The following PSTPIP2 variants were observed in gnomAD, a reference collection of about 807,000 sequenced individuals.
PSTPIP2 encodes proline-serine-threonine phosphatase-interacting protein 2.
Under a neutral mutation model 63.3 loss-of-function variants are expected in PSTPIP2, and 33 were observed. That is an observed-to-expected ratio of 0.52 (90% CI 0.40 to 0.70). PSTPIP2 has a LOEUF of 0.70. Among genes scored for constraint, PSTPIP2 ranks in the 30% least tolerant of loss-of-function variants. PSTPIP2 has a pLI of 0.00. For synonymous variants in PSTPIP2, 125 were observed against 132.7 expected, an observed-to-expected ratio of 0.94 and a Z score of 0.40; for missense variants, 312 against 400.7, an observed-to-expected ratio of 0.78 and a Z score of 1.89.
chr18:46,011,344 A>G, intron 4 of PSTPIP2, 57 bp from the exon 5 acceptor site: 1 of 1,311,218 alleles, frequency 7.6e-7, no homozygotes. Context: ...ATTAAAATAT[A>G]TAAAATCATA....
intron 1 of PSTPIP2, among the ~76,000 whole-genome samples, chr18:46,048,172 T>A (rs987576744): frequency 6.6e-6 from 1 of 152,184 alleles, no homozygotes; most frequent in Non-Finnish European, 1.5e-5. Flanking sequence ...GGATAGGAGA[T>A]GTCAATGACA....
In PSTPIP2 at chr18:45,985,348, T is replaced by C; in HGVS notation, c.*111A>G. 4.9e-6 allele frequency: 7 copies of C among 1,427,062 alleles called. No homozygotes were observed. The allele number at this position is 1,427,062 out of a possible 1,614,324, so 88.4% of individuals were successfully genotyped here. A position where few individuals can be genotyped will look rare whatever the true frequency, so the allele number is the denominator to read the frequency against. On this transcript the variant is annotated 3_prime_UTR_variant, in exon 15 of 15. Transcript: ENST00000409746. ...ATCTCTAAAAAATTATAGCAAGGGT[T>C]CACTTCAAAGTCTTCATTGCTGACA...
chr18:46,051,264 A>G (rs1022726323), intron 1 of PSTPIP2, among the ~76,000 whole-genome samples: 1 of 152,078 alleles, frequency 6.6e-6, no homozygotes, highest in Non-Finnish European at 1.5e-5. Context: ...TCACTTGAGG[A>G]CAGGAGTTCA....
intron 1 of PSTPIP2, among the ~76,000 whole-genome samples, chr18:46,071,834 C>G (rs1292093216): frequency 6.6e-6 from 1 of 152,272 alleles, no homozygotes; most frequent in Non-Finnish European, 1.5e-5. Context: ...GGTGTCTCGG[C>G]TCTCTGCGTC....
chr18:46,026,338 T>G (rs775258250), intron 2 of PSTPIP2, among the ~76,000 whole-genome samples: 5 of 152,214 alleles, frequency 3.3e-5, no homozygotes, highest in Non-Finnish European at 7.3e-5. Context: ...TTGTGCATCA[T>G]TTTATACGCT....
intron 14 of PSTPIP2, 145 bp downstream of exon 14, chr18:45,988,557 G>T (rs779919658): frequency 2.0e-5 from 13 of 663,894 alleles, no homozygotes; most frequent in Non-Finnish European, 3.2e-5. Context: ...GAGGTGTCCT[G>T]AAGGGACAGC....
Position 46,040,198 on chromosome 18 carries a change from G to C in PSTPIP2, c.34-151C>G, listed in dbSNP as rs1315971404. The C allele has an allele frequency of 3.1e-5, 16 of 523,376 alleles. No homozygotes were observed. The Admixed American group carries it at 6.0e-4, about 20-fold the overall frequency. 32.4% of individuals were successfully genotyped at this position (523,376 alleles called of 1,614,324 possible). A position where few individuals can be genotyped will look rare whatever the true frequency, so the allele number is the denominator to read the frequency against. The stretch of plus-strand genomic sequence containing the variant: ...AGGGACCCACTTAGGAGCCTGTCAG[G>C]CTTCTCCACCCCCACCCTGGAGATG... On this transcript the variant is annotated intron_variant, in intron 1 of 14. Transcript: ENST00000409746.
chr18:46,069,686 T>C (rs769957444), intron 1 of PSTPIP2, among the ~76,000 whole-genome samples: 26 of 152,258 alleles, frequency 1.7e-4, no homozygotes, highest in Non-Finnish European at 3.2e-4. Flanking sequence ...AAGTGTGTAT[T>C]GACTCATACT....
chr18:46,010,824 C>T, intron 5 of PSTPIP2: 1 of 197,952 alleles, frequency 5.1e-6, no homozygotes, highest in Non-Finnish European at 1.1e-5. Flanking sequence ...TCCCCTATTG[C>T]CTTGTCCAGG....
intron 1 of PSTPIP2, among the ~76,000 whole-genome samples, chr18:46,062,491 A>AAAAAGG (rs1909026927): frequency 6.6e-6 from 1 of 151,578 alleles, no homozygotes; most frequent in Non-Finnish European, 1.5e-5. Context: ...AAAGAAAAAG[A>AAAAAGG]AAAAGAAAAA....
intron 13 of PSTPIP2, 51 bp downstream of exon 13, chr18:45,990,666 GTGATC>G (rs1327283719): frequency 1.4e-6 from 2 of 1,471,974 alleles, no homozygotes; most frequent in African/African-American, 2.8e-5. Context: ...CTGACCTCAA[GTGATC>G]TGCCTGCCTT....
chr18:46,041,536 G>A (rs1038278328), intron 1 of PSTPIP2, among the ~76,000 whole-genome samples: 1 of 152,106 alleles, frequency 6.6e-6, no homozygotes, highest in African/African-American at 2.4e-5. Flanking sequence ...CACCATGCCT[G>A]GCCAAATTTT....
At chr18:45,989,724 T>C (rs28699981) in intron 13 of PSTPIP2, 124 of 152,340 alleles carry the variant, frequency 8.1e-4, no homozygotes, top group African/African-American at 2.9e-3. Context: ...GAGAGCTTGT[T>C]TGGAGTAGCT....
intron 6 of PSTPIP2, among the ~76,000 whole-genome samples, chr18:46,004,162 A>G (rs1015502623): frequency 1.3e-5 from 2 of 152,244 alleles, no homozygotes; most frequent in African/African-American, 4.8e-5. Flanking sequence ...TCATCTATCA[A>G]CTAACACTAT....
intron 3 of PSTPIP2, among the ~76,000 whole-genome samples, chr18:46,019,011 A>G (rs567885729): frequency 6.6e-6 from 1 of 152,060 alleles, no homozygotes; most frequent in South Asian, 2.1e-4. Context: ...CCTCTCCCTT[A>G]TAATCAACTC....
At chr18:46,006,531 G>A (rs1469344260) in intron 5 of PSTPIP2, among the ~76,000 whole-genome samples, 4 of 151,016 alleles carry the variant, frequency 2.6e-5, no homozygotes, top group East Asian at 1.9e-4. Flanking sequence ...CCGCCACCAC[G>A]CCCAGCTAAT....
chr18:46,029,475 G>T, intron 2 of PSTPIP2: 1 of 1,102,830 alleles, frequency 9.1e-7, no homozygotes, highest in South Asian at 1.2e-5. Context: ...GTTGATTAAG[G>T]CAGTTTATAT....
At chr18:46,036,033 A>G (rs1372458643) in intron 2 of PSTPIP2, among the ~76,000 whole-genome samples, 1 of 151,670 alleles carries the variant, frequency 6.6e-6, no homozygotes, top group African/African-American at 2.4e-5. Flanking sequence ...TTTACAATTT[A>G]CTGATGGAGT....
intron 2 of PSTPIP2, chr18:46,028,963 C>A: frequency 9.1e-7 from 1 of 1,101,602 alleles, no homozygotes; most frequent in Non-Finnish European, 1.4e-6. Context: ...TTCTGCTGCT[C>A]AGATCTCATC....
Sources: gnomAD v4.1 joint callset for allele counts (sites outside exome capture counted in the v4.1 genomes callset) on GRCh38, gnomAD v4.1.1 for gene constraint, MANE v1.5 for transcripts, NCBI Gene and HGNC (gene_info 2026-07-23, HGNC 2026-07-21) for gene names.